Variants in ROCK2 observed in about 807,000 individuals in gnomAD.
ROCK2 encodes the protein Rho associated coiled-coil containing protein kinase 2, also known as rho-associated protein kinase 2.
ROCK2 carries 61 observed loss-of-function variants against 195.1 expected under a neutral mutation model. That is an observed-to-expected ratio of 0.31 (90% CI 0.25 to 0.39). The LOEUF (loss-of-function observed/expected upper bound fraction) is 0.39, where lower values mean the gene tolerates loss of function less well. ROCK2 is among the 10% of genes least tolerant of loss of function. The pLI, the probability that ROCK2 is intolerant of heterozygous loss-of-function variation, is 1.00. For missense variants in ROCK2, 1,109 were observed against 1,637.4 expected (o/e 0.68, Z 5.57); for synonymous variants, 504 against 545.5 (o/e 0.92, Z 1.06).
At position 11,211,833 on chromosome 2, in the gene ROCK2, CT is replaced by C; in HGVS notation, c.2050del (p.Ser684AlafsTer5). On this transcript the variant is annotated frameshift_variant, in exon 18 of 33. Coordinates refer to ENST00000315872, the MANE Select transcript of ROCK2 (RefSeq NM_004850.5). LOFTEE classifies it high-confidence loss of function. Reference sequence around the variant, plus strand: ...GTATGTCATATCTATTTCCATGTTGCTTTTTTCCTATTAAATATTTAAAATG... The same window carrying C: ...GTATGTCATATCTATTTCCATGTTGCTTTTTCCTATTAAATATTTAAAATG... Reference protein sequence around the residue: ...ERFTDLEKEKSNMEIDMTYQL... With the variant: ...ERFTDLEKEKXNMEIDMTYQL... The C allele has an allele frequency of 1.3e-6, 2 of 1,577,612 alleles. No individual in the cohort carries two copies. The highest frequency in any genetic ancestry group is 1.2e-5 in the South Asian group (1 of 84,378).
intron 3 of ROCK2, among the ~76,000 whole-genome samples, chr2:11,285,557 G>A (rs1667159619): frequency 6.6e-6 from 1 of 152,074 alleles, no homozygotes; most frequent in African/African-American, 2.4e-5. Context: ...GCACAGTGAG[G>A]TGTCTCATGC....
Position 11,197,606 on chromosome 2 carries a change from G to T in ROCK2, c.3199C>A (p.His1067Asn). The T allele has an allele frequency of 1.2e-6, 2 of 1,613,700 alleles. No individual in the cohort carries two copies. Among genetic ancestry groups the T allele is most frequent in the South Asian group, 1.1e-5 (1 of 91,040 alleles). ...TCACGTTCAGATTTAAGCTCCATATGTAGCTTTCTATTCTCCTTCTCTTTT... is the reference window on the plus strand; with the variant it reads ...TCACGTTCAGATTTAAGCTCCATATTTAGCTTTCTATTCTCCTTCTCTTTT... Reference protein sequence around the residue: ...RRKEKENRKLHMELKSEREKL... With the variant: ...RRKEKENRKLNMELKSEREKL... Residue 1067 changes from histidine to asparagine, a missense_variant, in exon 26 of 33, where the codon CAT (histidine) becomes AAT (asparagine). Coordinates refer to ENST00000315872, the MANE Select transcript of ROCK2 (RefSeq NM_004850.5). The surrounding 1 kb of genome is among the most constrained non-coding windows in gnomAD (Gnocchi z 4.9).
At chr2:11,214,803 A>G in intron 16 of ROCK2, 37 bp downstream of exon 16, 1 of 1,557,792 alleles carries the variant, frequency 6.4e-7, no homozygotes, top group Non-Finnish European at 8.7e-7. Flanking sequence ...AATAAGAATC[A>G]TCAAAATTAA....
Position 11,214,382 on chromosome 2 carries a change from T to C in ROCK2, c.2018A>G (p.Gln673Arg). The C allele has an allele frequency of 6.3e-7, 1 of 1,597,386 alleles. No individual in the cohort carries two copies. The highest frequency in any genetic ancestry group is 1.1e-5 in the South Asian group (1 of 90,022). The change falls in exon 17 of 33, where the codon CAG becomes CGG. Residue 673 changes from glutamine to arginine, a missense_variant. By Grantham distance (43) the Gln-to-Arg change is conservative. Around this residue, in one of 6 missense-constraint regions of ROCK2, gnomAD observed 542 missense variants for 672.0 expected, o/e 0.81. Transcript: ENST00000315872. ...AKVELEKRQLQERFTDLEKEK... is the reference protein window; with the variant it reads ...AKVELEKRQLRERFTDLEKEK... ...CTTTTCCAAATCAGTAAATCTCTCC[T>C]GAAGTTGTCTCTTCTCCAGTTCTAC...
intron 1 of ROCK2, among the ~76,000 whole-genome samples, chr2:11,298,949 A>C (rs1464547118): frequency 1.3e-5 from 2 of 152,118 alleles, no homozygotes; most frequent in African/African-American, 4.8e-5. Context: ...AGAGATTTAA[A>C]AATCTCATTT....
chr2:11,280,995 A>C (rs896131697), intron 3 of ROCK2, among the ~76,000 whole-genome samples: 2 of 152,136 alleles, frequency 1.3e-5, no homozygotes, highest in Admixed American at 6.5e-5. Flanking sequence ...CCTCAACAAA[A>C]TATTAGCCAA....
Position 11,227,324 on chromosome 2 carries a change from C to G in ROCK2, c.798G>C (p.Gly266=), listed in dbSNP as rs1237352972. The G allele has an allele frequency of 1.2e-6, 2 of 1,613,916 alleles. No homozygotes were observed. The highest frequency in any genetic ancestry group is 1.1e-5 in the South Asian group (1 of 91,078). Residue 266 remains glycine, a synonymous_variant, in exon 6 of 33, where the codon GGG becomes GGC. Coordinates refer to ENST00000315872, the MANE Select transcript of ROCK2 (RefSeq NM_004850.5). ...YISPEVLKSQ[G]GDGFYGRECD... ...ATTCTCGCCCATAGAAACCATCACC[C>G]CCTTGTGATTTCAGAACCTCAGGTG...
At chr2:11,319,632 A>C (rs557890225) in intron 1 of ROCK2, among the ~76,000 whole-genome samples, 15 of 152,114 alleles carry the variant, frequency 9.9e-5, no homozygotes, top group Non-Finnish European at 2.1e-4. Flanking sequence ...AACTTCCAAC[A>C]CTATGTTGAA....
chr2:11,227,789 T>C (rs1434444089), intron 5 of ROCK2, among the ~76,000 whole-genome samples: 14 of 152,160 alleles, frequency 9.2e-5, no homozygotes, highest in Non-Finnish European at 2.1e-4. Flanking sequence ...AAAGGAAGCT[T>C]TCATATTTCC....
chr2:11,341,157 G>A (rs1218492665), intron 1 of ROCK2, among the ~76,000 whole-genome samples: 1 of 151,932 alleles, frequency 6.6e-6, no homozygotes, highest in South Asian at 2.1e-4. Context: ...CCATAAAAGA[G>A]ATATACTCTT....
rs192349901 is a variant in ROCK2 at position 11,197,824 on chromosome 2, C to T, written c.3100-119G>A. Reference sequence around the variant, plus strand: ...CACAAATACTCTCCTTCCCTACATACAGGGCTACAAAGAAACACTTTCTAT... The same window carrying T: ...CACAAATACTCTCCTTCCCTACATATAGGGCTACAAAGAAACACTTTCTAT... On this transcript the variant is annotated intron_variant, in intron 25 of 32. Coordinates refer to ENST00000315872, the MANE Select transcript of ROCK2 (RefSeq NM_004850.5). This position sits in a 1 kb window ranked among gnomAD's most constrained non-coding sequence, Gnocchi z 4.9. 5.4e-6 allele frequency: 3 copies of T among 550,860 alleles called. No homozygotes were observed. In the East Asian group the frequency reaches 1.0e-4, roughly 19 times the overall value. 34.1% of individuals were successfully genotyped at this position (550,860 alleles called of 1,614,324 possible).
At chr2:11,320,559 TTATTTAA>T (rs1433564995) in intron 1 of ROCK2, among the ~76,000 whole-genome samples, 1 of 152,224 alleles carries the variant, frequency 6.6e-6, no homozygotes, top group Non-Finnish European at 1.5e-5. Flanking sequence ...AGCGATAAAA[TTATTTAA>T]TATAGGTCTT....
intron 3 of ROCK2, among the ~76,000 whole-genome samples, chr2:11,254,148 T>C (rs921230175): frequency 1.6e-4 from 25 of 152,296 alleles, no homozygotes; most frequent in African/African-American, 6.0e-4. Context: ...TATGATGAAG[T>C]AATTGGTACC....
chr2:11,188,658 C>G lies in ROCK2; in HGVS notation c.4163+3490G>C, dbSNP rs578171957. On this transcript the variant is annotated intron_variant, in intron 32 of 32. Coordinates refer to ENST00000315872, the MANE Select transcript of ROCK2 (RefSeq NM_004850.5). ...TTTTATTTTTTGAGACGGAGTCTCACTGTCGCCCAGGCTGGAGTGCAGTGG... is the reference window on the plus strand; with the variant it reads ...TTTTATTTTTTGAGACGGAGTCTCAGTGTCGCCCAGGCTGGAGTGCAGTGG... Among the ~76,000 whole-genome samples, 145 of 151,650 alleles carry G rather than the reference C, an allele frequency of 9.6e-4. 2 individuals are homozygous for G. The highest frequency in any genetic ancestry group is 6.1e-3 in the South Asian group (29 of 4,792).
rs1484192621 is a variant in ROCK2 at position 11,235,251 on chromosome 2, G to A, written c.723+451C>T. Among the ~76,000 whole-genome samples the A allele has an allele frequency of 6.6e-6, 1 of 152,188 alleles. No individual in the cohort carries two copies. Among genetic ancestry groups the A allele is most frequent in the Non-Finnish European group, 1.5e-5 (1 of 68,014 alleles). On this transcript the variant is annotated intron_variant, in intron 5 of 32. Transcript: ENST00000315872. This position sits in a 1 kb window ranked among gnomAD's most constrained non-coding sequence, Gnocchi z 4.2. ...CAGATGATGTTCCCAAATTTATTCT[G>A]TGTGGTTGATGCAGAGGGAGTGACG...
chr2:11,232,740 G>GTA (rs562148189), intron 5 of ROCK2, among the ~76,000 whole-genome samples: 4 of 152,078 alleles, frequency 2.6e-5, no homozygotes, highest in Non-Finnish European at 4.4e-5. Context: ...GCATAGATGG[G>GTA]TAACACAATG....
intron 3 of ROCK2, among the ~76,000 whole-genome samples, chr2:11,267,377 G>C (rs1214612616): frequency 1.3e-5 from 2 of 152,044 alleles, no homozygotes; most frequent in African/African-American, 4.8e-5. Flanking sequence ...GGAAGAGCTA[G>C]GATTCAACTA....
intron 1 of ROCK2, among the ~76,000 whole-genome samples, chr2:11,343,276 C>G (rs1014266508): frequency 1.3e-5 from 2 of 152,162 alleles, no homozygotes; most frequent in African/African-American, 4.8e-5. Flanking sequence ...AAACATGCTC[C>G]TTTCTTAACC....
intron 28 of ROCK2, 21 bp from the exon 29 acceptor site, chr2:11,194,365 G>A: frequency 9.3e-7 from 1 of 1,076,932 alleles, no homozygotes; most frequent in East Asian, 2.7e-5. Flanking sequence ...AGGGAGAAAA[G>A]AAATCAGTAA....
Sources: gnomAD v4.1 joint callset for allele counts (sites outside exome capture counted in the v4.1 genomes callset) on GRCh38, gnomAD v4.1.1 for gene constraint, gnomAD v4.1.1 regional missense constraint, Gnocchi (gnomAD v3.1) non-coding constraint, MANE v1.5 for transcripts, NCBI Gene and HGNC (gene_info 2026-07-23, HGNC 2026-07-21) for gene names.